Variants in TRDN observed in about 807,000 individuals in gnomAD.
TRDN encodes the protein triadin.
TRDN carries 161 observed loss-of-function variants against 149.7 expected under a neutral mutation model. The observed-to-expected ratio is 1.08, with a 90% CI of 0.95 to 1.23. The LOEUF is 1.23. TRDN is among the 50% of genes most tolerant of loss of function. The pLI is 0.00. For synonymous variants in TRDN, 294 were observed against 250.5 expected (o/e 1.17, Z -1.64); for missense variants, 896 against 823.5 (o/e 1.09, Z -1.08).
At chr6:123,550,496 A>C (rs1008784728) in intron 2 of TRDN, among the ~76,000 whole-genome samples, 4 of 152,014 alleles carry the variant, frequency 2.6e-5, no homozygotes, top group African/African-American at 9.7e-5. Context: ...ATTTCAGTGG[A>C]GTGCATTCAA....
intron 1 of TRDN, among the ~76,000 whole-genome samples, chr6:123,598,091 G>T (rs1443259365): frequency 6.6e-6 from 1 of 152,028 alleles, no homozygotes; most frequent in Non-Finnish European, 1.5e-5. Flanking sequence ...CAGCAAACTG[G>T]GTGCTGGAAG....
intron 12 of TRDN, among the ~76,000 whole-genome samples, chr6:123,403,664 G>A (rs1773076385): frequency 6.6e-6 from 1 of 152,242 alleles, no homozygotes; most frequent in South Asian, 2.1e-4. Flanking sequence ...TATTAAAATA[G>A]CAGGAATACA....
At chr6:123,600,369 A>G (rs1784225700) in intron 1 of TRDN, among the ~76,000 whole-genome samples, 1 of 152,036 alleles carries the variant, frequency 6.6e-6, no homozygotes, top group Non-Finnish European at 1.5e-5. Context: ...AGCCACTGCA[A>G]TAGAATCTCC....
In TRDN at chr6:123,229,715, G is replaced by A. The variant is rs116740518; in HGVS notation, c.1976-5584C>T. Among the ~76,000 whole-genome samples the A allele has an allele frequency of 1.1e-3, 160 of 151,994 alleles. 1 individual carries two copies. The highest frequency in any genetic ancestry group is 3.6e-3 in the African/African-American group (151 of 41,510). On this transcript the variant is annotated intron_variant, in intron 38 of 40. Transcript: ENST00000334268. ...GATCTGTTGGTATTTAGGAGACTGC[G>A]TGTGTATGGACTCTAATAAATATGG...
At chr6:123,408,678 C>A (rs78392960) in intron 12 of TRDN, among the ~76,000 whole-genome samples, 141 of 134,710 alleles carry the variant, frequency 1.0e-3, no homozygotes, top group Non-Finnish European at 9.8e-4. Context: ...GACTTTTTCT[C>A]AAAAAAAAAA....
At chr6:123,601,644 G>T (rs1399965502) in intron 1 of TRDN, among the ~76,000 whole-genome samples, 1 of 152,086 alleles carries the variant, frequency 6.6e-6, no homozygotes, top group East Asian at 1.9e-4. Context: ...GAACATGTCA[G>T]ATTTGCACAC....
At chr6:123,290,600 G>A (rs972839660) in intron 24 of TRDN, among the ~76,000 whole-genome samples, 5 of 152,038 alleles carry the variant, frequency 3.3e-5, no homozygotes, top group Non-Finnish European at 5.9e-5. Flanking sequence ...GTGAAAGAAC[G>A]GAATCGATGC....
chr6:123,492,382 G>A (rs969760606), intron 9 of TRDN, among the ~76,000 whole-genome samples: 5 of 152,134 alleles, frequency 3.3e-5, no homozygotes, highest in African/African-American at 1.2e-4. Context: ...GGTACTTGTA[G>A]TGGACATTTA....
intron 12 of TRDN, among the ~76,000 whole-genome samples, chr6:123,422,327 C>T (rs1029396414): frequency 1.2e-4 from 18 of 151,930 alleles, no homozygotes; most frequent in Non-Finnish European, 2.1e-4. Flanking sequence ...ATGTTTTTTC[C>T]TTGGGGTTCA....
intron 1 of TRDN, among the ~76,000 whole-genome samples, chr6:123,584,516 T>A (rs1054662244): frequency 3.3e-5 from 5 of 152,024 alleles, no homozygotes; most frequent in Non-Finnish European, 5.9e-5. Context: ...AGTTGTTGTT[T>A]TGTAAGGGAT....
At chr6:123,569,796 G>T (rs1782470097) in intron 2 of TRDN, among the ~76,000 whole-genome samples, 1 of 152,122 alleles carries the variant, frequency 6.6e-6, no homozygotes, top group Non-Finnish European at 1.5e-5. Flanking sequence ...AGGGGACAGT[G>T]CCAAACCACT....
chr6:123,483,083 T>TATTATTATC (rs1430354565), intron 9 of TRDN, among the ~76,000 whole-genome samples: 2 of 145,160 alleles, frequency 1.4e-5, no homozygotes, highest in Non-Finnish European at 3.0e-5. Flanking sequence ...TTATTATTAT[T>TATTATTATC]ATTATTATTA....
chr6:123,460,244 T>C (rs1776370826), intron 10 of TRDN, among the ~76,000 whole-genome samples: 1 of 152,224 alleles, frequency 6.6e-6, no homozygotes, highest in East Asian at 1.9e-4. Flanking sequence ...TAGAGTTTTA[T>C]GTATACTGAC....
intron 3 of TRDN, among the ~76,000 whole-genome samples, chr6:123,548,057 C>T (rs544024754): frequency 6.6e-6 from 1 of 152,048 alleles, no homozygotes; most frequent in East Asian, 1.9e-4. Flanking sequence ...GTATAAAACA[C>T]TTATATGTAT....
At chr6:123,236,165 C>T (rs1377360462) in intron 38 of TRDN, among the ~76,000 whole-genome samples, 2 of 152,216 alleles carry the variant, frequency 1.3e-5, no homozygotes, top group East Asian at 3.9e-4. Flanking sequence ...CTTGCCAGCA[C>T]TTGTTTTTGT....
chr6:123,345,189 C>T (rs144041963), intron 21 of TRDN, among the ~76,000 whole-genome samples: 26 of 151,820 alleles, frequency 1.7e-4, no homozygotes, highest in African/African-American at 5.6e-4. Flanking sequence ...ACATTTAGGT[C>T]TATGATCCAC....
intron 1 of TRDN, among the ~76,000 whole-genome samples, chr6:123,601,900 A>G (rs1423236019): frequency 6.6e-6 from 1 of 152,134 alleles, no homozygotes; most frequent in Non-Finnish European, 1.5e-5. Context: ...TTCTCACTTT[A>G]GAAAGAGGAA....
At chr6:123,397,696 CTAGATTTTTAG>C (rs1772790641) in intron 12 of TRDN, among the ~76,000 whole-genome samples, 3 of 152,074 alleles carry the variant, frequency 2.0e-5, no homozygotes, top group Admixed American at 2.0e-4. Context: ...AATTTTAGAA[CTAGATTTTTAG>C]TAGAATATAT....
intron 24 of TRDN, among the ~76,000 whole-genome samples, chr6:123,305,671 G>A (rs574816038): frequency 6.6e-6 from 1 of 152,122 alleles, no homozygotes; most frequent in Non-Finnish European, 1.5e-5. Context: ...GTTGGAACAA[G>A]ATTCCTTATT....
Sources: allele counts gnomAD v4.1 joint callset (sites outside exome capture counted in the v4.1 genomes callset), GRCh38; gene constraint gnomAD v4.1.1; transcripts MANE v1.5; gene names NCBI Gene and HGNC (gene_info 2026-07-23, HGNC 2026-07-21).